Variants in ANK1 observed in about 807,000 individuals in gnomAD.
ANK1 encodes ankyrin 1, also known as ankyrin-1.
ANK1 carries 51 observed loss-of-function variants against 210.4 expected under a neutral mutation model. The observed-to-expected ratio is 0.24, with a 90% CI of 0.19 to 0.31. The LOEUF is 0.31. Among genes scored for constraint, ANK1 ranks in the 10% least tolerant of loss-of-function variants. The probability of loss-of-function intolerance (pLI) is 1.00; values close to 1 mark genes in which losing one functional copy is unlikely to be tolerated. For missense variants in ANK1, 2,051 were observed against 2,504.4 expected (o/e 0.82, Z 3.86); for synonymous variants, 967 against 1,025.9 (o/e 0.94, Z 1.10).
intron 39 of ANK1, among the ~76,000 whole-genome samples, chr8:41,664,403 T>C (rs1472173031): frequency 1.3e-5 from 2 of 151,988 alleles, no homozygotes; most frequent in Admixed American, 1.3e-4. Context: ...AGCCCAGGAA[T>C]TTACAGTAAG....
chr8:41,858,588 G>A (rs1464093071), intron 1 of ANK1, among the ~76,000 whole-genome samples: 7 of 152,282 alleles, frequency 4.6e-5, no homozygotes, highest in Admixed American at 6.5e-5. Context: ...GAGCACAGCC[G>A]CAGGGAGCCC....
chr8:41,718,195 T>A lies in ANK1; in HGVS notation c.1117A>T (p.Thr373Ser), dbSNP rs779654741. The A allele has an allele frequency of 4.3e-6, 7 of 1,613,332 alleles. No individual in the cohort carries two copies. The highest frequency in any genetic ancestry group is 5.9e-6 in the Non-Finnish European group (7 of 1,179,852). Residue 373 changes from threonine to serine, a missense_variant, in exon 11 of 43, where the codon ACC becomes TCC. Coordinates refer to ENST00000289734, the MANE Select transcript of ANK1 (RefSeq NM_000037.4). ...KPNSRALNGF[T>S]PLHIACKKNH... ...TTTTTGCAGGCGATGTGTAAGGGGGTAAAGCCATTCTGCAGCCCACACAAA... is the reference window on the plus strand; with the variant it reads ...TTTTTGCAGGCGATGTGTAAGGGGGAAAAGCCATTCTGCAGCCCACACAAA...
intron 7 of ANK1, among the ~76,000 whole-genome samples, chr8:41,723,939 G>T (rs949813753): frequency 3.3e-5 from 5 of 151,576 alleles, no homozygotes; most frequent in Non-Finnish European, 5.9e-5. Flanking sequence ...ACAGGCACGC[G>T]CCACCATGCC....
chr8:41,780,463 T>C (rs369896755), intron 1 of ANK1, among the ~76,000 whole-genome samples: 1 of 152,332 alleles, frequency 6.6e-6, no homozygotes, highest in African/African-American at 2.4e-5. Context: ...AGCCTTCAGC[T>C]TATTCTCCTC....
chr8:41,670,298 G>C (rs1310523191), intron 38 of ANK1, among the ~76,000 whole-genome samples: 4 of 151,930 alleles, frequency 2.6e-5, no homozygotes, highest in African/African-American at 4.8e-5. Context: ...AAATATTGTT[G>C]AGTAAGTGGA....
chr8:41,790,132 T>C (rs577010709), intron 1 of ANK1, among the ~76,000 whole-genome samples: 13 of 151,756 alleles, frequency 8.6e-5, no homozygotes, highest in African/African-American at 3.1e-4. Flanking sequence ...ATCTGACCAC[T>C]TGGAAAGGAA....
At chr8:41,660,645 C>T in intron 42 of ANK1, 2 of 426,748 alleles carry the variant, frequency 4.7e-6, no homozygotes, top group Middle Eastern at 3.8e-4. Context: ...TCTGTGGCCA[C>T]ACTGCCCCAT....
chr8:41,686,186 G>T lies in ANK1; in HGVS notation c.4356C>A (p.Asn1452Lys). 2 of 1,614,194 alleles carry T rather than the reference G, an allele frequency of 1.2e-6. No individual in the cohort carries two copies. The highest frequency in any genetic ancestry group is 1.7e-6 in the Non-Finnish European group (2 of 1,180,046). ...SLLEQSVALL[N>K]LWVIREGQNA... is the part of the protein sequence containing the mutation. The stretch of plus-strand genomic sequence containing the variant: ...TTTGGCCTTCACGGATGACCCAGAG[G>T]TTCAGCAAGGCCACACTCTGCTCCA... The change falls in exon 36 of 43, where the codon AAC becomes AAA. Residue 1452 changes from asparagine to lysine, a missense_variant. Coordinates refer to ENST00000289734, the MANE Select transcript of ANK1 (RefSeq NM_000037.4).
In ANK1 at chr8:41,793,886, C is replaced by T. The variant is rs527824483; in HGVS notation, c.27+3626G>A. 3.9e-5 allele frequency among the ~76,000 whole-genome samples: 6 copies of T among 152,090 alleles called. No homozygotes were observed. In the South Asian group the frequency reaches 6.2e-4, roughly 16 times the overall value. On this transcript the variant is annotated intron_variant, in intron 1 of 42. Transcript: ENST00000289734. ...GCACTATTTTCTCATTAAATAGGAA[C>T]GTGTAAGAGAGAGGGGGATTATTAA...
chr8:41,670,049 G>C (rs1469272811), intron 38 of ANK1, among the ~76,000 whole-genome samples: 1 of 151,950 alleles, frequency 6.6e-6, no homozygotes, highest in East Asian at 1.9e-4. Context: ...ATTCCAGTCA[G>C]CCTTCTTTCC....
intron 39 of ANK1, among the ~76,000 whole-genome samples, chr8:41,667,012 T>C (rs1361700625): frequency 1.3e-5 from 2 of 152,212 alleles, no homozygotes; most frequent in Admixed American, 1.3e-4. Context: ...AAAAAAGTGC[T>C]GTAGGCGTCT....
At chr8:41,816,787 T>C (rs946757484) in intron 1 of ANK1, among the ~76,000 whole-genome samples, 1 of 152,232 alleles carries the variant, frequency 6.6e-6, no homozygotes, top group Non-Finnish European at 1.5e-5. Context: ...AGCACTTTGG[T>C]TAATTTCTCT....
intron 1 of ANK1, among the ~76,000 whole-genome samples, chr8:41,819,806 T>A (rs781751040): frequency 4.6e-5 from 7 of 152,152 alleles, no homozygotes; most frequent in Non-Finnish European, 8.8e-5. Flanking sequence ...TTCTCACTGA[T>A]CAAAAATACA....
intron 3 of ANK1, among the ~76,000 whole-genome samples, chr8:41,729,081 A>T (rs560689720): frequency 1.3e-5 from 2 of 152,256 alleles, no homozygotes; most frequent in African/African-American, 4.8e-5. Context: ...TGAGGAAAGC[A>T]TTATACAGAA....
intron 1 of ANK1, among the ~76,000 whole-genome samples, chr8:41,895,273 C>T (rs1211726537): frequency 1.3e-5 from 2 of 152,196 alleles, no homozygotes; most frequent in Non-Finnish European, 2.9e-5. Context: ...GCTGGGGAGC[C>T]GTGCAGGCTG....
intron 1 of ANK1, among the ~76,000 whole-genome samples, chr8:41,761,736 C>T (rs1182795948): frequency 6.6e-6 from 1 of 152,066 alleles, no homozygotes; most frequent in Non-Finnish European, 1.5e-5. Context: ...CCAAATGGAA[C>T]TCTCATCCTC....
At chr8:41,711,502 G>A (rs962597112) in intron 16 of ANK1, among the ~76,000 whole-genome samples, 22 of 152,162 alleles carry the variant, frequency 1.4e-4, no homozygotes, top group Admixed American at 1.4e-3. Context: ...CAGGACCCAA[G>A]GCCACAGTAG....
chr8:41,703,450 A>ATATTTTTTTT (rs59985416), intron 20 of ANK1, among the ~76,000 whole-genome samples: 6 of 58,820 alleles, frequency 1.0e-4, no homozygotes, highest in African/African-American at 4.5e-4. Flanking sequence ...ATATATATAT[A>ATATTTTTTTT]TTTTTTTTTT....
chr8:41,818,387 C>T (rs1022946252), intron 1 of ANK1, among the ~76,000 whole-genome samples: 1 of 152,170 alleles, frequency 6.6e-6, no homozygotes. Context: ...TGGTTCTAAA[C>T]TTGATTTCTG....
Sources: gnomAD v4.1 joint callset for allele counts (sites outside exome capture counted in the v4.1 genomes callset) on GRCh38, gnomAD v4.1.1 for gene constraint, MANE v1.5 for transcripts, NCBI Gene and HGNC (gene_info 2026-07-23, HGNC 2026-07-21) for gene names.